The following DEPTOR variants were observed in gnomAD, a reference collection of about 807,000 sequenced individuals.
The protein encoded by DEPTOR is DEP domain-containing mTOR-interacting protein.
Under a neutral mutation model 41.6 loss-of-function variants are expected in DEPTOR, and 41 were observed. The ratio of observed to expected loss-of-function variants is 0.98; its 90% CI spans 0.77 to 1.28. The LOEUF (loss-of-function observed/expected upper bound fraction) is 1.28. Ranked by LOEUF, DEPTOR falls within the 50% of genes most tolerant of loss-of-function variation. The pLI, the probability that DEPTOR is intolerant of heterozygous loss-of-function variation, is 0.00. For synonymous variants in DEPTOR, 195 were observed against 192.3 expected, an observed-to-expected ratio of 1.01 and a Z score of -0.12; for missense variants, 514 against 527.9, an observed-to-expected ratio of 0.97 and a Z score of 0.26.
At chr8:119,874,261 A>C (rs1255667560) in intron 1 of DEPTOR, 1 of 406,474 alleles carries the variant, frequency 2.5e-6, no homozygotes, top group Non-Finnish European at 4.4e-6. Flanking sequence ...CCTGCCACCC[A>C]CCGCGCTGTC....
chr8:119,903,963 TA>T (rs1193065478), intron 1 of DEPTOR, among the ~76,000 whole-genome samples: 6 of 152,112 alleles, frequency 3.9e-5, no homozygotes, highest in Non-Finnish European at 8.8e-5. Flanking sequence ...CTGTAAATGT[TA>T]TTCCTGACTC....
intron 4 of DEPTOR, among the ~76,000 whole-genome samples, chr8:119,967,770 A>T (rs2129976545): frequency 6.6e-6 from 1 of 152,110 alleles, no homozygotes; most frequent in African/African-American, 2.4e-5. Flanking sequence ...AAAAAAAAAA[A>T]AGAGTAAGTA....
At chr8:119,947,699 A>G (rs1828300732) in intron 3 of DEPTOR, among the ~76,000 whole-genome samples, 1 of 152,188 alleles carries the variant, frequency 6.6e-6, no homozygotes, top group Non-Finnish European at 1.5e-5. Flanking sequence ...TGCCTGAGAC[A>G]CTTGCTGAAC....
chr8:119,965,556 G>C, intron 4 of DEPTOR, 146 bp downstream of exon 4: 1 of 1,011,974 alleles, frequency 9.9e-7, no homozygotes, highest in East Asian at 2.6e-5. Context: ...CAAGTTGGGG[G>C]TCAAATTCAG....
intron 1 of DEPTOR, among the ~76,000 whole-genome samples, chr8:119,915,883 G>C (rs1224468984): frequency 7.2e-6 from 1 of 139,100 alleles, no homozygotes; most frequent in Non-Finnish European, 1.5e-5. Flanking sequence ...TAACAAAAGA[G>C]AACAGCCAAG....
At chr8:119,982,346 C>T (rs1356747612) in intron 4 of DEPTOR, among the ~76,000 whole-genome samples, 1 of 152,128 alleles carries the variant, frequency 6.6e-6, no homozygotes, top group South Asian at 2.1e-4. Context: ...TAAGCAGCTT[C>T]GTGGCTTCTG....
intron 3 of DEPTOR, among the ~76,000 whole-genome samples, chr8:119,937,957 G>A (rs572111943): frequency 6.6e-6 from 1 of 152,272 alleles, no homozygotes; most frequent in South Asian, 2.1e-4. Context: ...CATTATGCTG[G>A]CAGAAAACAA....
chr8:119,950,876 G>T (rs1044866636), intron 3 of DEPTOR, among the ~76,000 whole-genome samples: 7 of 152,006 alleles, frequency 4.6e-5, no homozygotes, highest in Non-Finnish European at 1.0e-4. Flanking sequence ...GGGATTACAG[G>T]CATGAGCGAC....
At chr8:119,976,557 G>A (rs561346133) in intron 4 of DEPTOR, among the ~76,000 whole-genome samples, 91 of 152,246 alleles carry the variant, frequency 6.0e-4, no homozygotes, top group African/African-American at 2.0e-3. Context: ...GGCAGAGCCA[G>A]CTGATAGTTA....
In DEPTOR at chr8:119,873,745, G is replaced by A. The variant is rs768931188; in HGVS notation, c.-102G>A. On this transcript the variant is annotated 5_prime_UTR_variant, in exon 1 of 9. Coordinates refer to ENST00000286234, the MANE Select transcript of DEPTOR (RefSeq NM_022783.4). ...CCAGTCAGAGCAGCGGAGCTGCCCC[G>A]AACAAAGATGGCGCGGGAAGCGTCT... 5 of 1,525,002 alleles carry A rather than the reference G, an allele frequency of 3.3e-6. No individual in the cohort carries two copies. The highest frequency in any genetic ancestry group is 4.4e-6 in the Non-Finnish European group (5 of 1,132,196). The allele number at this position is 1,525,002 out of a possible 1,614,324, so 94.5% of individuals were successfully genotyped here. A position where few individuals can be genotyped will look rare whatever the true frequency, so the allele number is the denominator to read the frequency against.
At chr8:119,933,779 G>T (rs1470564716) in intron 3 of DEPTOR, among the ~76,000 whole-genome samples, 1 of 152,094 alleles carries the variant, frequency 6.6e-6, no homozygotes, top group East Asian at 1.9e-4. Context: ...CTCTTTTCTT[G>T]CTTGTTTGTT....
intron 4 of DEPTOR, among the ~76,000 whole-genome samples, chr8:119,986,102 G>A (rs536904020): frequency 1.5e-3 from 229 of 152,120 alleles, no homozygotes; most frequent in African/African-American, 5.3e-3. Flanking sequence ...CCTGTTAGTT[G>A]ATGCAGTTTC....
intron 4 of DEPTOR, among the ~76,000 whole-genome samples, chr8:119,974,473 C>T (rs1828672781): frequency 6.6e-6 from 1 of 151,630 alleles, no homozygotes; most frequent in Admixed American, 6.6e-5. Flanking sequence ...TAGGATAGAT[C>T]TCAAAAGAGT....
At chr8:119,925,344 T>G (rs890515950) in intron 1 of DEPTOR, among the ~76,000 whole-genome samples, 1 of 151,980 alleles carries the variant, frequency 6.6e-6, no homozygotes, top group Non-Finnish European at 1.5e-5. Context: ...GAGCCGAGAT[T>G]GCACCACTGC....
intron 1 of DEPTOR, among the ~76,000 whole-genome samples, chr8:119,896,876 A>G (rs1356617947): frequency 2.6e-5 from 4 of 151,674 alleles, no homozygotes; most frequent in Non-Finnish European, 5.9e-5. Flanking sequence ...TGTCAACTAC[A>G]TATATGGAAA....
At chr8:119,964,002 T>C (rs1828523953) in intron 3 of DEPTOR, among the ~76,000 whole-genome samples, 1 of 152,164 alleles carries the variant, frequency 6.6e-6, no homozygotes, top group South Asian at 2.1e-4. Context: ...AGGTGGCTGC[T>C]TCTTGGTTTG....
intron 3 of DEPTOR, among the ~76,000 whole-genome samples, chr8:119,936,208 GGA>G (rs1015717645): frequency 2.6e-5 from 4 of 152,058 alleles, no homozygotes; most frequent in African/African-American, 9.7e-5. Flanking sequence ...GAAATAAAAG[GGA>G]GAGAGTACAT....
intron 2 of DEPTOR, among the ~76,000 whole-genome samples, chr8:119,929,324 A>G (rs1200883703): frequency 1.3e-5 from 2 of 152,108 alleles, no homozygotes; most frequent in African/African-American, 2.4e-5. Context: ...TCTTCAGGGA[A>G]GCTTTCTTTT....
intron 4 of DEPTOR, among the ~76,000 whole-genome samples, chr8:119,967,819 A>G (rs1230878180): frequency 1.3e-5 from 2 of 152,020 alleles, no homozygotes; most frequent in Non-Finnish European, 2.9e-5. Context: ...GATATACACT[A>G]TAAAACATAG....
Sources: gnomAD v4.1 joint callset for allele counts (sites outside exome capture counted in the v4.1 genomes callset) on GRCh38, gnomAD v4.1.1 for gene constraint, MANE v1.5 for transcripts, NCBI Gene and HGNC (gene_info 2026-07-23, HGNC 2026-07-21) for gene names.